WIPF1: variants seen among roughly 807,000 people sequenced by gnomAD.
WIPF1 encodes WAS/WASL interacting protein family member 1.
A neutral mutation model predicts 35.4 loss-of-function variants in WIPF1; 13 were observed. That is an observed-to-expected ratio of 0.37 (90% CI 0.24 to 0.58). WIPF1 has a LOEUF of 0.58. Among genes scored for constraint, WIPF1 ranks in the 20% least tolerant of loss-of-function variants. The pLI is 0.74. For missense variants in WIPF1, 591 were observed against 667.0 expected, an observed-to-expected ratio of 0.89 and a Z score of 1.25; for synonymous variants, 267 against 266.3, an observed-to-expected ratio of 1.00 and a Z score of -0.02.
chr2:174,667,097 T>G (rs567113869), intron 1 of WIPF1, among the ~76,000 whole-genome samples: 48 of 152,294 alleles, frequency 3.2e-4, no homozygotes, highest in African/African-American at 1.1e-3. Flanking sequence ...AGCTTTTTAT[T>G]TTGTCCTTCT....
intron 1 of WIPF1, among the ~76,000 whole-genome samples, chr2:174,664,312 C>T (rs10194120): frequency 0.017 from 2,659 of 152,322 alleles, 89 homozygotes; most frequent in African/African-American, 0.061. Flanking sequence ...ACTCTCTGCA[C>T]TGGGACCTGT....
intron 1 of WIPF1, among the ~76,000 whole-genome samples, chr2:174,650,831 C>T (rs1228637011): frequency 1.3e-5 from 2 of 152,208 alleles, no homozygotes; most frequent in Non-Finnish European, 2.9e-5. Context: ...AGGTGCCTGC[C>T]ATGAGAACCT....
At chr2:174,585,475 A>T in intron 2 of WIPF1, 48 bp downstream of exon 2, 1 of 1,339,596 alleles carries the variant, frequency 7.5e-7, no homozygotes, top group Non-Finnish European at 9.9e-7. Context: ...TTTTGGCTTC[A>T]TTTGGCTTGC....
At chr2:174,641,331 A>G (rs1222979664) in intron 1 of WIPF1, among the ~76,000 whole-genome samples, 2 of 152,208 alleles carry the variant, frequency 1.3e-5, no homozygotes, top group Non-Finnish European at 2.9e-5. Context: ...GAGGGGTTGC[A>G]AGAATGGAGT....
At chr2:174,650,094 G>T (rs1687503854) in intron 1 of WIPF1, among the ~76,000 whole-genome samples, 1 of 152,206 alleles carries the variant, frequency 6.6e-6, no homozygotes, top group Non-Finnish European at 1.5e-5. Context: ...AAGGCAGTGA[G>T]CACCTCAGAA....
Position 174,585,628 on chromosome 2 carries a change from G to T in WIPF1, c.-38-17C>A. The T allele has an allele frequency of 6.5e-7, 1 of 1,537,832 alleles. No individual in the cohort carries two copies. The highest frequency in any genetic ancestry group is 1.1e-5 in the South Asian group (1 of 88,260). ...CTGATAAATCTGGAAAAACAAGAAT[G>T]CGATCATGTATTAGATGTAATCTTA... On this transcript the variant is annotated splice_polypyrimidine_tract_variant and intron_variant, in intron 1 of 7. Transcript: ENST00000679041.
chr2:174,602,968 C>T (rs1686053105), intron 1 of WIPF1, among the ~76,000 whole-genome samples: 1 of 152,196 alleles, frequency 6.6e-6, no homozygotes. Context: ...TCAAGGCTGG[C>T]TAATCAGAGC....
chr2:174,673,881 G>A (rs903817771), intron 1 of WIPF1: 2 of 151,732 alleles, frequency 1.3e-5, no homozygotes, highest in Non-Finnish European at 2.9e-5. Flanking sequence ...CATTCACAGG[G>A]TTTCTTAATT....
Position 174,572,413 on chromosome 2 carries a change from G to C in WIPF1, c.392C>G (p.Pro131Arg). 1.2e-6 allele frequency: 2 copies of C among 1,614,120 alleles called. No homozygotes were observed. The highest frequency in any genetic ancestry group is 1.7e-6 in the Non-Finnish European group (2 of 1,180,020). ...SGGSRPPLLP[P>R]GGRSTSAKPF... ...TTTCGCAGATGTGGATCTTCCTCCC[G>C]GTGGCAACAATGGTGGTCGGCTTCC... Residue 131 changes from proline to arginine, a missense_variant, in exon 5 of 8, where the codon CCG (proline) becomes CGG (arginine). By Grantham distance (103) the Pro-to-Arg change is moderately radical. Around this residue, in one of 3 missense-constraint regions of WIPF1, gnomAD observed 471 missense variants for 501.1 expected, o/e 0.94. Transcript: ENST00000679041.
Position 174,591,851 on chromosome 2 carries a change from AG to A in WIPF1, c.-39+5749del, listed in dbSNP as rs1685624789. Among the ~76,000 whole-genome samples the A allele has an allele frequency of 2.0e-5, 3 of 152,336 alleles. No individual in the cohort carries two copies. In the South Asian group the frequency reaches 6.2e-4, roughly 32 times the overall value. ...AACATTCACTGATCCCAGATCAACT[AG>A]GGCATCTTGCAGCCTCGACTCACTT... On this transcript the variant is annotated intron_variant, in intron 1 of 7. Transcript: ENST00000679041.
At chr2:174,676,283 C>A (rs1429567804) in intron 1 of WIPF1, 1 of 145,564 alleles carries the variant, frequency 6.9e-6, no homozygotes, top group Non-Finnish European at 1.5e-5. Flanking sequence ...TCCCTCCCTC[C>A]CTCCCTCCCT....
intron 1 of WIPF1, among the ~76,000 whole-genome samples, chr2:174,623,843 C>T (rs1361949831): frequency 6.6e-6 from 1 of 152,156 alleles, no homozygotes; most frequent in Non-Finnish European, 1.5e-5. Flanking sequence ...TAATAATTCA[C>T]TTTTGGTGAA....
chr2:174,564,593 G>A (rs1254609246), intron 7 of WIPF1, among the ~76,000 whole-genome samples: 1 of 152,158 alleles, frequency 6.6e-6, no homozygotes, highest in African/African-American at 2.4e-5. Context: ...GAGGATGGGA[G>A]AAGATATATG....
At chr2:174,577,656 C>T (rs918586670) in intron 3 of WIPF1, among the ~76,000 whole-genome samples, 2 of 152,036 alleles carry the variant, frequency 1.3e-5, no homozygotes, top group African/African-American at 4.8e-5. Context: ...CCAGGTGCAA[C>T]GGCTCACACC....
At chr2:174,647,212 ATT>A (rs778959094) in intron 1 of WIPF1, among the ~76,000 whole-genome samples, 1 of 143,104 alleles carries the variant, frequency 7.0e-6, no homozygotes, top group Admixed American at 7.1e-5. Flanking sequence ...TCTCCAAAAC[ATT>A]TTTTTTTTTT....
chr2:174,651,666 T>C (rs1299227225), intron 1 of WIPF1, among the ~76,000 whole-genome samples: 2 of 152,216 alleles, frequency 1.3e-5, no homozygotes, highest in Admixed American at 6.5e-5. Context: ...ATGTGTTATA[T>C]GGTAACTACC....
chr2:174,588,894 G>C (rs1685516649), intron 1 of WIPF1, among the ~76,000 whole-genome samples: 1 of 152,176 alleles, frequency 6.6e-6, no homozygotes, highest in Non-Finnish European at 1.5e-5. Context: ...CTGCGAACTT[G>C]TTTGCATGGC....
intron 1 of WIPF1, among the ~76,000 whole-genome samples, chr2:174,616,184 C>T (rs1574837841): frequency 6.6e-6 from 1 of 152,194 alleles, no homozygotes; most frequent in East Asian, 1.9e-4. Flanking sequence ...TCAAAAGAAA[C>T]CCAAGAGACC....
intron 1 of WIPF1, among the ~76,000 whole-genome samples, chr2:174,681,274 G>C (rs1337867736): frequency 6.6e-6 from 1 of 152,170 alleles, no homozygotes; most frequent in Non-Finnish European, 1.5e-5. Context: ...CTCACAGGTG[G>C]CTGGGATTTG....
Sources: gnomAD v4.1 joint callset for allele counts (sites outside exome capture counted in the v4.1 genomes callset) on GRCh38, gnomAD v4.1.1 for gene constraint, gnomAD v4.1.1 regional missense constraint, MANE v1.5 for transcripts, NCBI Gene and HGNC (gene_info 2026-07-23, HGNC 2026-07-21) for gene names.